CPQ: variants seen among roughly 807,000 people sequenced by gnomAD.
The protein encoded by CPQ is carboxypeptidase Q.
In CPQ, 37 loss-of-function variants were observed where a neutral mutation model predicts 45.7. The ratio of observed to expected loss-of-function variants is 0.81; its 90% confidence interval spans 0.62 to 1.07. The LOEUF is 1.07. Ranked by LOEUF, CPQ falls within the 50% of genes least tolerant of loss-of-function variation. The pLI, the probability that CPQ is intolerant of heterozygous loss-of-function variation, is 0.00. For synonymous variants in CPQ, 186 were observed against 205.8 expected, an observed-to-expected ratio of 0.90 and a Z score of 0.82; for missense variants, 537 against 572.9, an observed-to-expected ratio of 0.94 and a Z score of 0.64.
At chr8:96,725,377 AT>A (rs528359501) in intron 1 of CPQ, among the ~76,000 whole-genome samples, 58 of 152,334 alleles carry the variant, frequency 3.8e-4, no homozygotes, top group African/African-American at 6.7e-4. Flanking sequence ...AACTTAAGCA[AT>A]TCAACAAACC....
chr8:96,925,755 T>C (rs1173057775), intron 4 of CPQ, among the ~76,000 whole-genome samples: 1 of 150,438 alleles, frequency 6.6e-6, no homozygotes, highest in Non-Finnish European at 1.5e-5. Flanking sequence ...AGTGGCGCGA[T>C]CTCAGCTCAC....
intron 4 of CPQ, among the ~76,000 whole-genome samples, chr8:96,957,231 C>T (rs1376361624): frequency 6.6e-6 from 1 of 152,204 alleles, no homozygotes. Flanking sequence ...GGTCCAGGGA[C>T]ATGGCAGGCA....
chr8:96,773,628 ATTAG>A (rs541009594), intron 1 of CPQ, among the ~76,000 whole-genome samples: 15 of 152,232 alleles, frequency 9.9e-5, no homozygotes, highest in Non-Finnish European at 1.9e-4. Flanking sequence ...CTAGAAAAGT[ATTAG>A]TTTGTTTGTG....
At chr8:97,088,347 G>A (rs1811073243) in intron 7 of CPQ, among the ~76,000 whole-genome samples, 1 of 152,178 alleles carries the variant, frequency 6.6e-6, no homozygotes, top group African/African-American at 2.4e-5. Context: ...AAACATCTGT[G>A]TTCAAGATGA....
chr8:97,118,496 A>G (rs1437707882), intron 7 of CPQ, among the ~76,000 whole-genome samples: 3 of 152,232 alleles, frequency 2.0e-5, no homozygotes, highest in African/African-American at 7.2e-5. Flanking sequence ...CATTACAACA[A>G]TGTTGTTTAG....
chr8:96,739,903 C>G (rs147897716), intron 1 of CPQ, among the ~76,000 whole-genome samples: 3,219 of 152,192 alleles, frequency 0.021, 131 homozygotes, highest in African/African-American at 0.073. Context: ...TGTGATGCCT[C>G]CAGCTTTGTT....
intron 1 of CPQ, among the ~76,000 whole-genome samples, chr8:96,655,613 T>C (rs1427857317): frequency 2.6e-5 from 4 of 152,236 alleles, no homozygotes; most frequent in Admixed American, 6.5e-5. Context: ...TTACAGATGC[T>C]CTTTGACTTA....
chr8:96,936,063 C>A (rs1306017997), intron 4 of CPQ, among the ~76,000 whole-genome samples: 1 of 149,256 alleles, frequency 6.7e-6, no homozygotes, highest in South Asian at 2.1e-4. Flanking sequence ...ATATTCTTTC[C>A]CTCATTTTTG....
rs114250746 is a variant in CPQ, at chr8:96,928,150, T to A, written c.850-37785T>A. On this transcript the variant is annotated intron_variant, in intron 4 of 7. Transcript: ENST00000220763. ...TGACTGTGCCCATCTTTTACTCTCA[T>A]GAAGCATTTTCTATCGTAAGACAGA... is the stretch of plus-strand genomic sequence containing the variant. Among the ~76,000 whole-genome samples, 1,330 of 152,278 alleles carry A rather than the reference T, an allele frequency of 8.7e-3. 19 individuals are homozygous for A. Among genetic ancestry groups the A allele is most frequent in the African/African-American group, 0.029 (1,203 of 41,554 alleles).
At chr8:96,861,686 A>G (rs1811927942) in intron 3 of CPQ, among the ~76,000 whole-genome samples, 1 of 152,120 alleles carries the variant, frequency 6.6e-6, no homozygotes, top group African/African-American at 2.4e-5. Flanking sequence ...TTTATTTATT[A>G]AACAAAAATT....
chr8:97,017,363 C>G (rs1809599425), intron 5 of CPQ, among the ~76,000 whole-genome samples: 2 of 152,188 alleles, frequency 1.3e-5, no homozygotes, highest in Non-Finnish European at 2.9e-5. Context: ...AAGGAAACCT[C>G]CAGCTGAACT....
chr8:96,715,478 G>A (rs1231736247), intron 1 of CPQ, among the ~76,000 whole-genome samples: 4 of 152,130 alleles, frequency 2.6e-5, no homozygotes, highest in African/African-American at 2.4e-5. Context: ...TGTGAGGAAG[G>A]AGTTACTCTG....
chr8:96,722,516 C>T (rs1226274244), intron 1 of CPQ, among the ~76,000 whole-genome samples: 5 of 152,018 alleles, frequency 3.3e-5, no homozygotes, highest in African/African-American at 9.7e-5. Context: ...AAAATATTTA[C>T]TTTCTAGTCC....
chr8:96,817,636 C>CA (rs1480505684), intron 2 of CPQ, among the ~76,000 whole-genome samples: 4 of 151,200 alleles, frequency 2.6e-5, no homozygotes, highest in African/African-American at 9.7e-5. Context: ...ATTATTGAGA[C>CA]AGAGTCTTGC....
At chr8:96,873,466 A>C (rs1415862628) in intron 3 of CPQ, among the ~76,000 whole-genome samples, 1 of 151,770 alleles carries the variant, frequency 6.6e-6, no homozygotes, top group Non-Finnish European at 1.5e-5. Context: ...ATGACAGTAT[A>C]AAAGTCTTAG....
At chr8:96,860,162 T>G (rs1811907197) in intron 3 of CPQ, among the ~76,000 whole-genome samples, 1 of 152,130 alleles carries the variant, frequency 6.6e-6, no homozygotes, top group East Asian at 1.9e-4. Flanking sequence ...CTTACCTCAG[T>G]GCTCTCCTGT....
At chr8:97,065,238 G>T (rs1810617362) in intron 6 of CPQ, among the ~76,000 whole-genome samples, 1 of 152,126 alleles carries the variant, frequency 6.6e-6, no homozygotes, top group African/African-American at 2.4e-5. Context: ...GGGCTGGGTA[G>T]CAATTTAACT....
intron 7 of CPQ, among the ~76,000 whole-genome samples, chr8:97,128,298 C>T (rs1240434436): frequency 6.6e-6 from 1 of 152,202 alleles, no homozygotes; most frequent in Non-Finnish European, 1.5e-5. Flanking sequence ...CTTTGGATCT[C>T]ATGTTTTGCT....
intron 6 of CPQ, among the ~76,000 whole-genome samples, chr8:97,043,587 G>A (rs966773013): frequency 9.2e-5 from 14 of 152,122 alleles, no homozygotes; most frequent in African/African-American, 2.9e-4. Context: ...AGCCTCGATG[G>A]TCTTTACAAT....
Sources: allele counts gnomAD v4.1 joint callset (sites outside exome capture counted in the v4.1 genomes callset), GRCh38; gene constraint gnomAD v4.1.1; transcripts MANE v1.5; gene names NCBI Gene and HGNC (gene_info 2026-07-23, HGNC 2026-07-21).